The following PRKG1 variants were observed in gnomAD, a reference collection of about 807,000 sequenced individuals.
The protein encoded by PRKG1 is protein kinase cGMP-dependent 1, also known as cGMP-dependent protein kinase 1.
PRKG1 carries 35 observed loss-of-function variants against 88.1 expected under a neutral mutation model. That is an observed-to-expected ratio of 0.40 (90% confidence interval 0.30 to 0.53). The LOEUF is 0.53. Ranked by LOEUF, PRKG1 falls within the 20% of genes least tolerant of loss-of-function variation. PRKG1 has a pLI of 0.59. For synonymous variants in PRKG1, 303 were observed against 292.5 expected, an observed-to-expected ratio of 1.04 and a Z score of -0.37; for missense variants, 540 against 839.8, an observed-to-expected ratio of 0.64 and a Z score of 4.41.
At chr10:51,940,959 G>A (rs1589438962) in intron 5 of PRKG1, among the ~76,000 whole-genome samples, 1 of 151,880 alleles carries the variant, frequency 6.6e-6, no homozygotes, top group Non-Finnish European at 1.5e-5. Flanking sequence ...CACAATCAAA[G>A]CTAGATAGAG....
At chr10:51,429,792 A>G (rs1838704451) in intron 2 of PRKG1, among the ~76,000 whole-genome samples, 1 of 151,698 alleles carries the variant, frequency 6.6e-6, no homozygotes, top group African/African-American at 2.4e-5. Context: ...AGAAAAGCAT[A>G]GAAGAAAAAA....
At chr10:51,367,211 A>T (rs964423977) in intron 2 of PRKG1, among the ~76,000 whole-genome samples, 1 of 151,930 alleles carries the variant, frequency 6.6e-6, no homozygotes, top group Non-Finnish European at 1.5e-5. Context: ...TTTAACAGTT[A>T]TGCTGCACGT....
chr10:51,945,917 T>C (rs1463628159), intron 5 of PRKG1, among the ~76,000 whole-genome samples: 2 of 150,848 alleles, frequency 1.3e-5, no homozygotes, highest in Non-Finnish European at 3.0e-5. Context: ...CTTTGGTGAA[T>C]CTGACAATTA....
At chr10:51,670,792 G>T (rs1384049588) in intron 3 of PRKG1, among the ~76,000 whole-genome samples, 2 of 149,310 alleles carry the variant, frequency 1.3e-5, no homozygotes, top group East Asian at 2.0e-4. Flanking sequence ...AAATAAAAAT[G>T]CAAGATACAC....
chr10:51,851,041 T>C (rs1302830008), intron 4 of PRKG1, among the ~76,000 whole-genome samples: 1 of 152,156 alleles, frequency 6.6e-6, no homozygotes, highest in Non-Finnish European at 1.5e-5. Flanking sequence ...GGGATGTTTA[T>C]TTCAGTATTT....
intron 2 of PRKG1, among the ~76,000 whole-genome samples, chr10:51,387,064 A>G (rs1327909305): frequency 6.6e-6 from 1 of 152,130 alleles, no homozygotes; most frequent in African/African-American, 2.4e-5. Flanking sequence ...CAACAGGCCT[A>G]TGGAGGTACT....
intron 4 of PRKG1, among the ~76,000 whole-genome samples, chr10:51,864,442 A>G (rs562019878): frequency 6.6e-6 from 1 of 152,330 alleles, no homozygotes; most frequent in South Asian, 2.1e-4. Flanking sequence ...GTTAGATAGT[A>G]CCCAACACAG....
chr10:51,452,550 A>T (rs1218561493), intron 2 of PRKG1, among the ~76,000 whole-genome samples: 1 of 149,458 alleles, frequency 6.7e-6, no homozygotes, highest in East Asian at 1.9e-4. Context: ...TGAGATGATC[A>T]TATGATTTTT....
intron 4 of PRKG1, among the ~76,000 whole-genome samples, chr10:51,837,215 C>T (rs1840154471): frequency 6.6e-6 from 1 of 152,088 alleles, no homozygotes; most frequent in African/African-American, 2.4e-5. Context: ...AAATTATTTG[C>T]TCCGAGGGTA....
At chr10:51,067,846 T>A (rs1342095122) in intron 1 of PRKG1, among the ~76,000 whole-genome samples, 2 of 152,066 alleles carry the variant, frequency 1.3e-5, no homozygotes, top group East Asian at 3.8e-4. Flanking sequence ...TATATAGGTG[T>A]TTGAACATTT....
rs185045468 is a variant in PRKG1 at position 52,034,120 on chromosome 10, T to A, written c.763-20364T>A. Among the ~76,000 whole-genome samples, 699 of 152,178 alleles carry A rather than the reference T, an allele frequency of 4.6e-3. 6 individuals carry two copies. Among genetic ancestry groups the A allele is most frequent in the African/African-American group, 0.016 (661 of 41,488 alleles). ...GGGCAGGGCATATTCACTTCTTTTG[T>A]GATTCTTCAGTTACTTCAGGCCATC... On this transcript the variant is annotated intron_variant, in intron 5 of 17. Transcript: ENST00000373980.
At chr10:51,333,799 C>G (rs80078326) in intron 2 of PRKG1, among the ~76,000 whole-genome samples, 272 of 152,298 alleles carry the variant, frequency 1.8e-3, no homozygotes, top group African/African-American at 6.3e-3. Flanking sequence ...CCAGTTCTAT[C>G]AGGTGGTCCT....
At chr10:51,782,723 G>C (rs1248008737) in intron 3 of PRKG1, among the ~76,000 whole-genome samples, 1 of 152,044 alleles carries the variant, frequency 6.6e-6, no homozygotes, top group African/African-American at 2.4e-5. Flanking sequence ...TTTATCAGGG[G>C]TTTCCACTTT....
rs142292823 is a variant in PRKG1 at position 51,139,562 on chromosome 10, A to T, written c.312-13602A>T. Among the ~76,000 whole-genome samples, 590 of 152,290 alleles carry T rather than the reference A, an allele frequency of 3.9e-3. 3 individuals are homozygous for T. The highest frequency in any genetic ancestry group is 0.037 in the Middle Eastern group (11 of 294). ...TCTTTAAGAACCAGTTACTTGTCTA[A>T]GTCTAAACAACCAATGTCTATTCAG... On this transcript the variant is annotated intron_variant, in intron 1 of 17. Transcript: ENST00000373980.
At chr10:51,680,489 A>G (rs1358165866) in intron 3 of PRKG1, among the ~76,000 whole-genome samples, 1 of 152,220 alleles carries the variant, frequency 6.6e-6, no homozygotes, top group Non-Finnish European at 1.5e-5. Flanking sequence ...GATCTGGACA[A>G]TTCACACTCA....
intron 2 of PRKG1, among the ~76,000 whole-genome samples, chr10:51,170,796 A>G (rs1846684950): frequency 6.6e-6 from 1 of 151,756 alleles, no homozygotes; most frequent in Non-Finnish European, 1.5e-5. Flanking sequence ...AACAAAACCA[A>G]TTAAATAACT....
At chr10:52,272,860 C>G (rs957991544) in intron 12 of PRKG1, among the ~76,000 whole-genome samples, 4 of 151,986 alleles carry the variant, frequency 2.6e-5, no homozygotes, top group African/African-American at 9.7e-5. Flanking sequence ...TTTAATTGCT[C>G]TACTCTTTTT....
At chr10:51,684,418 A>G (rs1367168101) in intron 3 of PRKG1, among the ~76,000 whole-genome samples, 1 of 152,106 alleles carries the variant, frequency 6.6e-6, no homozygotes, top group African/African-American at 2.4e-5. Flanking sequence ...GCACAACTCT[A>G]TGACTATCGT....
chr10:51,300,921 A>G (rs1840866653), intron 2 of PRKG1, among the ~76,000 whole-genome samples: 2 of 152,228 alleles, frequency 1.3e-5, no homozygotes, highest in South Asian at 4.1e-4. Flanking sequence ...CTTTTCCTGT[A>G]TAAATCTTGT....
Sources: allele counts gnomAD v4.1 joint callset (sites outside exome capture counted in the v4.1 genomes callset), GRCh38; gene constraint gnomAD v4.1.1; transcripts MANE v1.5; gene names NCBI Gene and HGNC (gene_info 2026-07-23, HGNC 2026-07-21).